RAB3A: variants seen among roughly 807,000 people sequenced by gnomAD.
The protein encoded by RAB3A is RAB3A, member RAS oncogene family.
RAB3A carries 5 observed loss-of-function variants against 19.7 expected under a neutral mutation model. The ratio of observed to expected loss-of-function variants is 0.25; its 90% CI spans 0.13 to 0.53. RAB3A has a LOEUF of 0.53. RAB3A is among the 20% of genes least tolerant of loss of function. The pLI is 0.95. For synonymous variants in RAB3A, 119 were observed against 122.1 expected, an observed-to-expected ratio of 0.97 and a Z score of 0.17; for missense variants, 189 against 305.6, an observed-to-expected ratio of 0.62 and a Z score of 2.85.
chr19:18,202,793 G>T lies in RAB3A; in HGVS notation c.1-53C>A. ...TGAGGGGGGCTCTCTCCATCCTCAT[G>T]TGCCCAAGCCCAGGCAGAAGATGGC... On this transcript the variant is annotated intron_variant, in intron 1 of 4. Transcript: ENST00000222256. The surrounding 1 kb of genome is among the most constrained non-coding windows in gnomAD (Gnocchi z 4.2). The T allele has an allele frequency of 6.8e-7, 1 of 1,467,742 alleles. No homozygotes were observed. Among genetic ancestry groups the T allele is most frequent in the Non-Finnish European group, 9.5e-7 (1 of 1,052,910 alleles). The allele number at this position is 1,467,742 out of a possible 1,614,324, so 90.9% of individuals were successfully genotyped here. A position where few individuals can be genotyped will look rare whatever the true frequency, so the allele number is the denominator to read the frequency against.
At chr19:18,198,578 T>C (rs907727357) in intron 4 of RAB3A, 147 bp downstream of exon 4, 2 of 974,748 alleles carry the variant, frequency 2.1e-6, no homozygotes, top group South Asian at 3.3e-5. Context: ...TCCCTCAGGA[T>C]CCAACTCAAA....
chr19:18,203,669 C>T (rs948682004), intron 1 of RAB3A, among the ~76,000 whole-genome samples: 3 of 152,348 alleles, frequency 2.0e-5, no homozygotes, highest in Admixed American at 2.0e-4. Flanking sequence ...AGGAGCTCGG[C>T]TCCCCTCCCC....
At position 18,202,350 on chromosome 19, in the gene RAB3A, C is replaced by T. The variant is rs1307655346; in HGVS notation, c.228+163G>A. On this transcript the variant is annotated intron_variant, in intron 2 of 4. Transcript: ENST00000222256. The surrounding 1 kb of genome is among the most constrained non-coding windows in gnomAD (Gnocchi z 4.2). The stretch of plus-strand genomic sequence containing the variant: ...AGGATTAGGTGCTTATGGGAGAACA[C>T]AGGTGCTGTTTCTGCCCCGGTACAC... 7 of 618,684 alleles carry T rather than the reference C, an allele frequency of 1.1e-5. No homozygotes were observed. The highest frequency in any genetic ancestry group is 2.0e-5 in the Non-Finnish European group (7 of 352,306). The allele number at this position is 618,684 out of a possible 1,614,324, so 38.3% of individuals were successfully genotyped here. A position where few individuals can be genotyped will look rare whatever the true frequency, so the allele number is the denominator to read the frequency against.
At chr19:18,197,695 C>A in intron 4 of RAB3A, 35 bp from the exon 5 acceptor site, 1 of 1,563,422 alleles carries the variant, frequency 6.4e-7, no homozygotes, top group Admixed American at 1.8e-5. Context: ...AGGACCCTGG[C>A]CACGCCCTAT....
Position 18,198,643 on chromosome 19 carries a change from G to A in RAB3A, c.472+82C>T, listed in dbSNP as rs534695544. On this transcript the variant is annotated intron_variant, in intron 4 of 4. Coordinates refer to ENST00000222256, the MANE Select transcript of RAB3A (RefSeq NM_002866.5). ...AAGTGTGAATTACCTGGCTTTAGCT[G>A]TAAGACCTTGGGTGTGTGCCCTCCC... 16 of 1,552,536 alleles carry A rather than the reference G, an allele frequency of 1.0e-5. No individual in the cohort carries two copies. In the African/African-American group the frequency reaches 2.2e-4, roughly 21 times the overall value.
At position 18,197,293 on chromosome 19, in the gene RAB3A, G is replaced by C. The variant is rs1366558723; in HGVS notation, c.*177C>G. On this transcript the variant is annotated 3_prime_UTR_variant, in exon 5 of 5. Transcript: ENST00000222256. ...GGGCTTGGGGCGGGCAGGGGAGCCT[G>C]GGCCCCTGGGGGACATCTTCAATAA... 7.9e-6 allele frequency: 5 copies of C among 630,028 alleles called. No homozygotes were observed. Among genetic ancestry groups the C allele is most frequent in the Non-Finnish European group, 1.1e-5 (4 of 377,080 alleles). The allele number at this position is 630,028 out of a possible 1,614,324, so 39.0% of individuals were successfully genotyped here.
intron 2 of RAB3A, among the ~76,000 whole-genome samples, chr19:18,201,093 G>A (rs1275049350): frequency 2.0e-5 from 3 of 151,158 alleles, no homozygotes; most frequent in East Asian, 1.9e-4. Flanking sequence ...AAATTAGCTC[G>A]GCGTGGTGGC....
rs1300763171 is a variant in RAB3A at position 18,202,735 on chromosome 19, T to C, written c.6A>G (p.Ala2=). M[A]SATDSRYGQK... ...GCCCATAGCGCGAGTCTGTGGCGGA[T>C]GCCATCTGGGGATACCGGGTGTAGC... The change falls in exon 2 of 5, where the codon GCA becomes GCG. Residue 2 remains alanine (A), a synonymous_variant. Transcript: ENST00000222256. This position sits in a 1 kb window ranked among gnomAD's most constrained non-coding sequence, Gnocchi z 4.2. 1.2e-6 allele frequency: 2 copies of C among 1,613,690 alleles called. No individual in the cohort carries two copies. The highest frequency in any genetic ancestry group is 2.2e-5 in the East Asian group (1 of 44,858).
chr19:18,200,278 C>A (rs1340498043), intron 3 of RAB3A, 49 bp downstream of exon 3: 1 of 1,474,766 alleles, frequency 6.8e-7, no homozygotes, highest in Non-Finnish European at 9.3e-7. Context: ...ATAAAACCCT[C>A]TCTCAAAGAA....
chr19:18,199,192 T>G (rs986654893), intron 3 of RAB3A, among the ~76,000 whole-genome samples: 2 of 152,144 alleles, frequency 1.3e-5, no homozygotes, highest in African/African-American at 4.8e-5. Context: ...AGTCTTGCTC[T>G]GTCGCCCAGG....
At chr19:18,198,389 A>G (rs970934163) in intron 4 of RAB3A, among the ~76,000 whole-genome samples, 4 of 151,648 alleles carry the variant, frequency 2.6e-5, no homozygotes, top group African/African-American at 9.7e-5. Flanking sequence ...TTCACTACCC[A>G]CCACTCCAGG....
chr19:18,203,920 G>T lies in RAB3A; in HGVS notation c.-25C>A. ...CCTTGCCCTGCACCGATGCAACGGC[G>T]ACCCTAGCGGCGGTGACTTTTTTGG... On this transcript the variant is annotated 5_prime_UTR_variant, in exon 1 of 5. Transcript: ENST00000222256. 1.9e-5 allele frequency: 3 copies of T among 154,674 alleles called. No homozygotes were observed. In the South Asian group the frequency reaches 5.0e-4, roughly 26 times the overall value. 9.6% of individuals were successfully genotyped at this position (154,674 alleles called of 1,614,324 possible). A position where few individuals can be genotyped will look rare whatever the true frequency, so the allele number is the denominator to read the frequency against.
rs182230427 is a variant in RAB3A, at chr19:18,201,932, T to C, written c.228+581A>G. ...CAGCCTGGGCAACAGAGTGAGACTCTGTCTCTTAAAACTAACAAGGCCAGG... is the reference window on the plus strand; with the variant it reads ...CAGCCTGGGCAACAGAGTGAGACTCCGTCTCTTAAAACTAACAAGGCCAGG... On this transcript the variant is annotated intron_variant, in intron 2 of 4. Transcript: ENST00000222256. 1.9e-3 allele frequency among the ~76,000 whole-genome samples: 288 copies of C among 152,098 alleles called. 1 individual carries two copies. Among genetic ancestry groups the C allele is most frequent in the Admixed American group, 3.2e-3 (49 of 15,268 alleles).
rs1967588843 is a variant in RAB3A, at chr19:18,200,241, C to A, written c.347+86G>T. On this transcript the variant is annotated intron_variant, in intron 3 of 4. Transcript: ENST00000222256. ...GAGGCTGCAGTGAGCCCTGATCGTGCCACTGCACTCCAGCCTGGGTGACAG... is the reference window on the plus strand; with the variant it reads ...GAGGCTGCAGTGAGCCCTGATCGTGACACTGCACTCCAGCCTGGGTGACAG... 6.2e-6 allele frequency: 7 copies of A among 1,135,390 alleles called. 1 individual carries two copies. Among genetic ancestry groups the A allele is most frequent in the South Asian group, 5.9e-5 (4 of 67,266 alleles). 70.3% of individuals were successfully genotyped at this position (1,135,390 alleles called of 1,614,324 possible).
rs1967538532 is a variant in RAB3A at position 18,197,165 on chromosome 19, A to T, written c.*305T>A. The T allele has an allele frequency of 1.3e-5, 3 of 236,044 alleles. No individual in the cohort carries two copies. Among genetic ancestry groups the T allele is most frequent in the African/African-American group, 1.3e-4 (2 of 15,604 alleles). The allele number at this position is 236,044 out of a possible 1,614,324, so 14.6% of individuals were successfully genotyped here. On this transcript the variant is annotated 3_prime_UTR_variant, in exon 5 of 5. Transcript: ENST00000222256. Reference sequence around the variant, plus strand: ...CAACTGTGGATGGGGGTGAATTTTAAAAAAAGGCGGGGGGGGGGGGTTCAG... The same window carrying T: ...CAACTGTGGATGGGGGTGAATTTTATAAAAAGGCGGGGGGGGGGGGTTCAG...
Position 18,197,670 on chromosome 19 carries a change from G to A in RAB3A, c.473-10C>T. On this transcript the variant is annotated splice_polypyrimidine_tract_variant and intron_variant, in intron 4 of 4. Coordinates refer to ENST00000222256, the MANE Select transcript of RAB3A (RefSeq NM_002866.5). Reference sequence around the variant, plus strand: ...TCAAAGAACTCGAACCCTGTGGTCAGAGAAGGCAGGGATGAGGACCCTGGC... The same window carrying A: ...TCAAAGAACTCGAACCCTGTGGTCAAAGAAGGCAGGGATGAGGACCCTGGC... 1.2e-6 allele frequency: 2 copies of A among 1,603,068 alleles called. No individual in the cohort carries two copies. The highest frequency in any genetic ancestry group is 8.5e-7 in the Non-Finnish European group (1 of 1,172,446).
At position 18,202,932 on chromosome 19, in the gene RAB3A, C is replaced by T. The variant is rs1967634110; in HGVS notation, c.1-192G>A. On this transcript the variant is annotated intron_variant, in intron 1 of 4. Transcript: ENST00000222256. The surrounding 1 kb of genome is among the most constrained non-coding windows in gnomAD (Gnocchi z 4.2). ...CAGCCTGTGACCTTGAAATCCTGGGCGTTTCAGAGGAGGGGCTCAGAGGGT... is the reference window on the plus strand; with the variant it reads ...CAGCCTGTGACCTTGAAATCCTGGGTGTTTCAGAGGAGGGGCTCAGAGGGT... 2 of 569,272 alleles carry T rather than the reference C, an allele frequency of 3.5e-6. No homozygotes were observed. Among genetic ancestry groups the T allele is most frequent in the Non-Finnish European group, 6.3e-6 (2 of 318,930 alleles). The allele number at this position is 569,272 out of a possible 1,614,324, so 35.3% of individuals were successfully genotyped here.
At chr19:18,197,904 G>A (rs1323305370) in intron 4 of RAB3A, among the ~76,000 whole-genome samples, 1 of 144,508 alleles carries the variant, frequency 6.9e-6, no homozygotes, top group Non-Finnish European at 1.5e-5. Context: ...TTTGAGACAG[G>A]GCCTTGCTCT....
rs1967624606 is a variant in RAB3A at position 18,202,333 on chromosome 19, G to A, written c.228+180C>T. ...GGGGAAACTGAGGGACCAGGATTAGGTGCTTATGGGAGAACACAGGTGCTG... is the reference window on the plus strand; with the variant it reads ...GGGGAAACTGAGGGACCAGGATTAGATGCTTATGGGAGAACACAGGTGCTG... On this transcript the variant is annotated intron_variant, in intron 2 of 4. Transcript: ENST00000222256. The surrounding 1 kb of genome is among the most constrained non-coding windows in gnomAD (Gnocchi z 4.2). 2 of 583,528 alleles carry A rather than the reference G, an allele frequency of 3.4e-6. No homozygotes were observed. The highest frequency in any genetic ancestry group is 3.0e-5 in the Admixed American group (1 of 33,076). The allele number at this position is 583,528 out of a possible 1,614,324, so 36.1% of individuals were successfully genotyped here. A position where few individuals can be genotyped will look rare whatever the true frequency, so the allele number is the denominator to read the frequency against.
Sources: gnomAD v4.1 joint callset for allele counts (sites outside exome capture counted in the v4.1 genomes callset) on GRCh38, gnomAD v4.1.1 for gene constraint, Gnocchi (gnomAD v3.1) non-coding constraint, MANE v1.5 for transcripts, NCBI Gene and HGNC (gene_info 2026-07-23, HGNC 2026-07-21) for gene names.